TP73: variants seen among roughly 807,000 people sequenced by gnomAD.
The protein encoded by TP73 is p53-like transcription factor.
In TP73, 25 loss-of-function variants were observed where a neutral mutation model predicts 62.5. The observed-to-expected ratio is 0.40, with a 90% CI of 0.29 to 0.56. The LOEUF (loss-of-function observed/expected upper bound fraction) is 0.56, where lower values mean the gene tolerates loss of function less well. Ranked by LOEUF, TP73 falls within the 20% of genes least tolerant of loss-of-function variation. The pLI is 0.46. For synonymous variants in TP73, 423 were observed against 377.5 expected (o/e 1.12, Z -1.40); for missense variants, 754 against 913.3 (o/e 0.83, Z 2.25).
Position 3,732,797 on chromosome 1 carries a change from G to A in TP73, c.1629G>A (p.Arg543=). 6.2e-7 allele frequency: 1 copy of A among 1,605,174 alleles called. No homozygotes were observed. The highest frequency in any genetic ancestry group is 8.5e-7 in the Non-Finnish European group (1 of 1,174,326). The part of the protein sequence containing the change: ...IPEQYRMTIW[R]GLQDLKQGHD... Reference sequence around the variant, plus strand: ...AGCAGTACCGCATGACCATCTGGCGGGGCCTGCAGGACCTGAAGCAGGGCC... The same window carrying A: ...AGCAGTACCGCATGACCATCTGGCGAGGCCTGCAGGACCTGAAGCAGGGCC... Residue 543 remains arginine, a synonymous_variant, in exon 14 of 14, where the codon CGG becomes CGA. Transcript: ENST00000378295.
chr1:3,692,311 G>A (rs1249809847), intron 3 of TP73, among the ~76,000 whole-genome samples: 1 of 152,136 alleles, frequency 6.6e-6, no homozygotes, highest in African/African-American at 2.4e-5. Context: ...TGAGGGTGTG[G>A]GTGACCCAGC....
intron 4 of TP73, among the ~76,000 whole-genome samples, chr1:3,715,326 CA>C (rs1440881770): frequency 3.3e-5 from 5 of 152,092 alleles, no homozygotes; most frequent in African/African-American, 4.8e-5. Flanking sequence ...TCCTGGAACC[CA>C]GGGGTGACGC....
At chr1:3,697,244 C>T (rs908349017) in intron 3 of TP73, among the ~76,000 whole-genome samples, 5 of 152,350 alleles carry the variant, frequency 3.3e-5, no homozygotes, top group Admixed American at 1.3e-4. Flanking sequence ...TGCTGACGCC[C>T]GCCCTGTGTT....
At position 3,710,614 on chromosome 1, in the gene TP73, G is replaced by A. The variant is rs552416649; in HGVS notation, c.429+2823G>A. On this transcript the variant is annotated intron_variant, in intron 4 of 13. Transcript: ENST00000378295. ...TTGGCTGCCGCCCTCCTTTCTCCCC[G>A]ATCAGGAAAAACACCCTCACCAGCC... Among the ~76,000 whole-genome samples, 134 of 152,284 alleles carry A rather than the reference G, an allele frequency of 8.8e-4. 5 individuals carry two copies. The South Asian group carries it at 0.022, about 25-fold the overall frequency.
rs1644810856 is a variant in TP73, at chr1:3,653,876, A to C, written c.-34+1235A>C. 2.0e-5 allele frequency among the ~76,000 whole-genome samples: 3 copies of C among 152,238 alleles called. No individual in the cohort carries two copies. In the South Asian group the frequency reaches 6.2e-4, roughly 31 times the overall value. On this transcript the variant is annotated intron_variant, in intron 1 of 13. Transcript: ENST00000378295. ...GCATTACGTATGTAGTTTTTAAAAT[A>C]AGATAAAAAGTTGGCTGGGCACGGT...
intron 1 of TP73, among the ~76,000 whole-genome samples, chr1:3,674,980 G>A (rs1645332852): frequency 6.6e-6 from 1 of 152,138 alleles, no homozygotes; most frequent in African/African-American, 2.4e-5. Flanking sequence ...GGCACAAGGG[G>A]ATTGAGACGG....
At chr1:3,709,200 C>T (rs1639929278) in intron 4 of TP73, among the ~76,000 whole-genome samples, 1 of 152,178 alleles carries the variant, frequency 6.6e-6, no homozygotes, top group Non-Finnish European at 1.5e-5. Context: ...CACGGGCTCC[C>T]CCAGCTGCTG....
chr1:3,707,402 G>A, intron 3 of TP73, 147 bp from the exon 4 acceptor site: 1 of 1,166,178 alleles, frequency 8.6e-7, no homozygotes, highest in Non-Finnish European at 1.2e-6. Flanking sequence ...GTAGTGGCCT[G>A]TTGGGATGGG....
At chr1:3,673,674 C>A (rs1267741768) in intron 1 of TP73, among the ~76,000 whole-genome samples, 2 of 152,146 alleles carry the variant, frequency 1.3e-5, no homozygotes, top group Non-Finnish European at 2.9e-5. Context: ...GGGCACGAAG[C>A]GGTGGGGCAG....
chr1:3,704,452 G>A (rs914443393), intron 3 of TP73, among the ~76,000 whole-genome samples: 4 of 152,130 alleles, frequency 2.6e-5, no homozygotes, highest in African/African-American at 7.2e-5. Flanking sequence ...GTTCACAGTC[G>A]AGTAGGGGAG....
In TP73 at chr1:3,699,943, G is replaced by C. The variant is rs1440414202; in HGVS notation, c.187-7606G>C. Among the ~76,000 whole-genome samples, 1 of 152,052 alleles carries C rather than the reference G, an allele frequency of 6.6e-6. No homozygotes were observed. Among genetic ancestry groups the C allele is most frequent in the African/African-American group, 2.4e-5 (1 of 41,412 alleles). ...GACTGCATGGCCAGACCGTGGGCTC[G>C]GGCCCCAGTCTCCTGATCTCCGCCA... On this transcript the variant is annotated intron_variant, in intron 3 of 13. Coordinates refer to ENST00000378295, the MANE Select transcript of TP73 (RefSeq NM_005427.4). This position sits in a 1 kb window ranked among gnomAD's most constrained non-coding sequence, Gnocchi z 4.1.
At chr1:3,710,539 C>T (rs182993819) in intron 4 of TP73, among the ~76,000 whole-genome samples, 9 of 152,300 alleles carry the variant, frequency 5.9e-5, no homozygotes, top group Non-Finnish European at 1.0e-4. Context: ...GCACGCCAGC[C>T]GGCTGGTAAC....
intron 4 of TP73, among the ~76,000 whole-genome samples, chr1:3,716,623 G>A (rs965307825): frequency 6.6e-6 from 1 of 152,198 alleles, no homozygotes; most frequent in Admixed American, 6.5e-5. Flanking sequence ...AGCTCTCTGA[G>A]GGCGACAGTG....
At chr1:3,730,752 G>C (rs771023912) in intron 11 of TP73, among the ~76,000 whole-genome samples, 175 bp from the exon 12 acceptor site, 1 of 152,188 alleles carries the variant, frequency 6.6e-6, no homozygotes, top group Non-Finnish European at 1.5e-5. Context: ...AGGAGACAGG[G>C]CCCCAGGTGT....
chr1:3,721,031 A>T (rs1641025996), intron 4 of TP73, among the ~76,000 whole-genome samples: 1 of 152,206 alleles, frequency 6.6e-6, no homozygotes, highest in Non-Finnish European at 1.5e-5. Context: ...GAGACTGGGG[A>T]TCATTCCTGA....
At position 3,709,531 on chromosome 1, in the gene TP73, G is replaced by T. The variant is rs942975128; in HGVS notation, c.429+1740G>T. On this transcript the variant is annotated intron_variant, in intron 4 of 13. Coordinates refer to ENST00000378295, the MANE Select transcript of TP73 (RefSeq NM_005427.4). ...GTGTGCTGGCCTGGGCCTCCCAAAT[G>T]AGTGGTTCCGTGGCAGCTGCACCTG... 3.3e-5 allele frequency among the ~76,000 whole-genome samples: 5 copies of T among 152,330 alleles called. 1 individual carries two copies. In the East Asian group the frequency reaches 5.8e-4, roughly 18 times the overall value.
intron 2 of TP73, 40 bp downstream of exon 2, chr1:3,682,470 G>C: frequency 6.9e-7 from 1 of 1,441,718 alleles, no homozygotes; most frequent in Non-Finnish European, 9.3e-7. Context: ...GGCCCCCCTG[G>C]GAGGCACTCT....
chr1:3,723,177 G>A (rs989721786), intron 5 of TP73, among the ~76,000 whole-genome samples, 177 bp from the exon 6 acceptor site: 1 of 148,800 alleles, frequency 6.7e-6, no homozygotes, highest in Admixed American at 6.7e-5. Context: ...GCACCTCTCT[G>A]CACCTGACAT....
chr1:3,683,219 G>A (rs1645566783), intron 3 of TP73, 39 bp downstream of exon 3: 1 of 1,571,540 alleles, frequency 6.4e-7, no homozygotes, highest in Non-Finnish European at 8.7e-7. Flanking sequence ...GGACTGGAGT[G>A]GGGACAACAA....
Sources: allele counts gnomAD v4.1 joint callset (sites outside exome capture counted in the v4.1 genomes callset), GRCh38; gene constraint gnomAD v4.1.1; non-coding constraint Gnocchi (gnomAD v3.1); transcripts MANE v1.5; gene names NCBI Gene and HGNC (gene_info 2026-07-23, HGNC 2026-07-21).